Variants in MTR observed in about 807,000 individuals in gnomAD.
MTR encodes the protein methionine synthase.
Under a neutral mutation model 154.8 loss-of-function variants are expected in MTR, and 84 were observed. The observed-to-expected ratio is 0.54, with a 90% confidence interval of 0.45 to 0.65. MTR has a LOEUF of 0.65. Ranked by LOEUF, MTR falls within the 30% of genes least tolerant of loss-of-function variation. MTR has a pLI of 0.00. For synonymous variants in MTR, 554 were observed against 553.9 expected (o/e 1.00, Z 0.00); for missense variants, 1,275 against 1,570.2 (o/e 0.81, Z 3.18).
At chr1:236,862,479 T>C (rs1664599788) in intron 21 of MTR, 136 bp downstream of exon 21, 2 of 712,002 alleles carry the variant, frequency 2.8e-6, no homozygotes, top group Middle Eastern at 3.7e-4. Context: ...CCCACATCTC[T>C]CCCTTTTTTA....
At chr1:236,810,212 A>G (rs1175673251) in intron 4 of MTR, among the ~76,000 whole-genome samples, 1 of 152,214 alleles carries the variant, frequency 6.6e-6, no homozygotes, top group Admixed American at 6.5e-5. Context: ...ATATGGCATA[A>G]TTTCCTTAGT....
intron 30 of MTR, chr1:236,894,806 C>G: frequency 1.8e-6 from 1 of 547,056 alleles, no homozygotes; most frequent in Non-Finnish European, 3.3e-6. Flanking sequence ...GCTCTTAGAG[C>G]CTTTATCTCT....
chr1:236,865,268 C>T (rs1664762621), intron 22 of MTR, among the ~76,000 whole-genome samples: 1 of 152,240 alleles, frequency 6.6e-6, no homozygotes, highest in Admixed American at 6.5e-5. Flanking sequence ...TGAAACGTTA[C>T]TTTCATTTTA....
intron 32 of MTR, among the ~76,000 whole-genome samples, 192 bp downstream of exon 32, chr1:236,897,310 G>GCGCGCGCGCGCACGCACACACACACACA: frequency 2.3e-5 from 3 of 128,614 alleles, no homozygotes; most frequent in Non-Finnish European, 3.4e-5. Context: ...CCACACACAC[G>GCGCGCGCGCGCACGCACACACACACACA]CACACACACA....
At chr1:236,836,899 C>T (rs1366998030) in intron 14 of MTR, among the ~76,000 whole-genome samples, 1 of 152,202 alleles carries the variant, frequency 6.6e-6, no homozygotes, top group Admixed American at 6.5e-5. Context: ...GACTATTGAC[C>T]CTACTTTCCT....
At chr1:236,860,211 C>T (rs1222925036) in intron 19 of MTR, among the ~76,000 whole-genome samples, 2 of 151,906 alleles carry the variant, frequency 1.3e-5, no homozygotes, top group Non-Finnish European at 2.9e-5. Flanking sequence ...CCAGGACAGC[C>T]CCAAACCACA....
intron 18 of MTR, among the ~76,000 whole-genome samples, chr1:236,855,200 C>T (rs900558879): frequency 7.9e-5 from 12 of 152,046 alleles, no homozygotes; most frequent in South Asian, 6.2e-4. Context: ...TGATCTCTTT[C>T]GGTTATTGCA....
intron 5 of MTR, among the ~76,000 whole-genome samples, chr1:236,811,277 C>G (rs1163429984): frequency 2.0e-5 from 3 of 152,184 alleles, no homozygotes; most frequent in Non-Finnish European, 2.9e-5. Context: ...CAGGTCCCCT[C>G]TCACAACACG....
At position 236,795,489 on chromosome 1, in the gene MTR, G is replaced by A; in HGVS notation, c.-215G>A. The A allele has an allele frequency of 6.6e-7, 1 of 1,517,872 alleles. No homozygotes were observed. Among genetic ancestry groups the A allele is most frequent in the Non-Finnish European group, 8.8e-7 (1 of 1,135,082 alleles). The allele number at this position is 1,517,872 out of a possible 1,614,324, so 94.0% of individuals were successfully genotyped here. On this transcript the variant is annotated 5_prime_UTR_variant, in exon 1 of 33. Coordinates refer to ENST00000366577, the MANE Select transcript of MTR (RefSeq NM_000254.3). ...CGGGAAGAAAGCACGTGCTCCAGCA[G>A]TTGCCGCGCCCAGCCCCGAGAGAGG... is the stretch of plus-strand genomic sequence containing the variant.
At chr1:236,854,484 T>A (rs1664089879) in intron 18 of MTR, among the ~76,000 whole-genome samples, 2 of 152,196 alleles carry the variant, frequency 1.3e-5, no homozygotes, top group African/African-American at 4.8e-5. Context: ...CTTTGAACAT[T>A]GAGACATGGG....
intron 9 of MTR, 59 bp downstream of exon 9, chr1:236,824,278 G>C (rs1662155039): frequency 1.5e-6 from 2 of 1,312,542 alleles, no homozygotes; most frequent in Admixed American, 1.7e-5. Context: ...ACATGGCATA[G>C]ATGAGGTAAG....
intron 25 of MTR, 95 bp downstream of exon 25, chr1:236,880,931 T>A: frequency 3.2e-6 from 4 of 1,250,494 alleles, no homozygotes; most frequent in Non-Finnish European, 4.7e-6. Context: ...TTTATTCAGT[T>A]CTACTAAATA....
In MTR at chr1:236,897,070, C is replaced by T; in HGVS notation, c.3663C>T (p.Ser1221=). 1 of 1,614,108 alleles carries T rather than the reference C, an allele frequency of 6.2e-7. No homozygotes were observed. The highest frequency in any genetic ancestry group is 1.1e-5 in the South Asian group (1 of 91,080). ...CAGCAGTCTCAGGCCTCTACTTCTC[C>T]AATTTGAAGTCCAAATATTTTGCTG... ...PASAVSGLYF[S]NLKSKYFAVG... The change falls in exon 32 of 33, where the codon TCC becomes TCT. Residue 1221 remains serine (S), a synonymous_variant. Coordinates refer to ENST00000366577, the MANE Select transcript of MTR (RefSeq NM_000254.3).
chr1:236,835,434 G>T (rs1482116457), intron 13 of MTR, 113 bp from the exon 14 acceptor site: 1 of 1,340,580 alleles, frequency 7.5e-7, no homozygotes, highest in Non-Finnish European at 1.1e-6. Context: ...GGAGTCTGGC[G>T]AGGTAGTCTG....
intron 13 of MTR, among the ~76,000 whole-genome samples, chr1:236,835,104 G>T (rs1308114092): frequency 6.6e-6 from 1 of 151,994 alleles, no homozygotes; most frequent in Non-Finnish European, 1.5e-5. Flanking sequence ...TGGAGGAGAT[G>T]GGGCTTGAGC....
intron 27 of MTR, among the ~76,000 whole-genome samples, chr1:236,887,123 T>C (rs1226301614): frequency 6.6e-6 from 1 of 152,230 alleles, no homozygotes; most frequent in African/African-American, 2.4e-5. Flanking sequence ...ACAGGGGTTA[T>C]ATTAATTGAA....
intron 15 of MTR, among the ~76,000 whole-genome samples, chr1:236,839,577 A>G (rs11800413): frequency 0.36 from 54,083 of 152,048 alleles, 10,379 homozygotes; most frequent in East Asian, 0.44. Context: ...GAAGCTTCAA[A>G]TATAATGATC....
chr1:236,817,987 A>C (rs1661698713), intron 8 of MTR, among the ~76,000 whole-genome samples: 1 of 152,164 alleles, frequency 6.6e-6, no homozygotes, highest in Admixed American at 6.5e-5. Context: ...TAACAAAAAA[A>C]CTGAGGGTAG....
At chr1:236,838,369 G>A in intron 14 of MTR, 45 bp from the exon 15 acceptor site, 1 of 1,594,150 alleles carries the variant, frequency 6.3e-7, no homozygotes, top group South Asian at 1.1e-5. Context: ...GTAATTTATA[G>A]TGACCTGTGG....
Sources: allele counts gnomAD v4.1 joint callset (sites outside exome capture counted in the v4.1 genomes callset), GRCh38; gene constraint gnomAD v4.1.1; transcripts MANE v1.5; gene names NCBI Gene and HGNC (gene_info 2026-07-23, HGNC 2026-07-21).